FAM133B: variants seen among roughly 807,000 people sequenced by gnomAD.
FAM133B encodes the protein family with sequence similarity 133 member B.
FAM133B carries 25 observed loss-of-function variants against 46.4 expected under a neutral mutation model. The observed-to-expected ratio is 0.54, with a 90% CI of 0.39 to 0.75. FAM133B has a LOEUF of 0.75. Among genes scored for constraint, FAM133B ranks in the 30% least tolerant of loss-of-function variants. The probability of loss-of-function intolerance (pLI) is 0.00; values close to 1 mark genes in which losing one functional copy is unlikely to be tolerated. For synonymous variants in FAM133B, 75 were observed against 86.0 expected (o/e 0.87, Z 0.71); for missense variants, 205 against 277.6 (o/e 0.74, Z 1.86).
chr7:92,569,658 G>GA (rs1386907361), intron 9 of FAM133B, 165 bp downstream of exon 9: 1 of 380,312 alleles, frequency 2.6e-6, no homozygotes, highest in Non-Finnish European at 4.8e-6. Context: ...TTATCTTCTG[G>GA]AAAAAAGCAA....
chr7:92,567,400 G>A (rs1473546033), intron 9 of FAM133B, among the ~76,000 whole-genome samples: 1 of 152,038 alleles, frequency 6.6e-6, no homozygotes, highest in Non-Finnish European at 1.5e-5. Context: ...GTTGAATTGC[G>A]TGGTTTTGCT....
chr7:92,579,255 A>T, intron 3 of FAM133B, 62 bp downstream of exon 3: 1 of 1,410,988 alleles, frequency 7.1e-7, no homozygotes, highest in Non-Finnish European at 9.8e-7. Flanking sequence ...CTGGAATTAT[A>T]GGTATGAGCC....
intron 8 of FAM133B, among the ~76,000 whole-genome samples, chr7:92,571,609 T>C (rs1225989005): frequency 6.6e-6 from 1 of 152,184 alleles, no homozygotes; most frequent in East Asian, 1.9e-4. Flanking sequence ...CTGTCTGGGA[T>C]GTATTTGGCT....
chr7:92,590,004 G>GC, intron 1 of FAM133B: 1 of 565,240 alleles, frequency 1.8e-6, no homozygotes, highest in South Asian at 2.1e-5. Flanking sequence ...CGTACAGCAG[G>GC]CAAGAGTGCA....
chr7:92,578,094 C>CT (rs1794755032), intron 5 of FAM133B, 56 bp downstream of exon 5: 14 of 1,468,448 alleles, frequency 9.5e-6, no homozygotes, highest in African/African-American at 1.4e-5. Flanking sequence ...ATTATTCTTA[C>CT]TTTTTTTGTT....
chr7:92,570,772 C>A (rs1245722972), intron 8 of FAM133B, among the ~76,000 whole-genome samples: 1 of 152,086 alleles, frequency 6.6e-6, no homozygotes, highest in Non-Finnish European at 1.5e-5. Flanking sequence ...TCTCTATGGG[C>A]TAGATTATAG....
intron 1 of FAM133B, chr7:92,590,064 G>A (rs981175856): frequency 2.3e-5 from 15 of 645,702 alleles, no homozygotes; most frequent in Non-Finnish European, 3.4e-5. Context: ...AAAAAGGGGC[G>A]GGCAAGAGAG....
chr7:92,584,421 TTC>T (rs1198357817), intron 1 of FAM133B, among the ~76,000 whole-genome samples: 1 of 152,190 alleles, frequency 6.6e-6, no homozygotes, highest in South Asian at 2.1e-4. Context: ...ACTTCCAGAT[TTC>T]TCTGTCAGAG....
chr7:92,568,045 G>A (rs1046868830), intron 9 of FAM133B, among the ~76,000 whole-genome samples: 20 of 152,036 alleles, frequency 1.3e-4, no homozygotes, highest in African/African-American at 4.8e-4. Context: ...ATACAGGCGT[G>A]AACCACCACA....
At chr7:92,579,726 T>C (rs1309298417) in intron 2 of FAM133B, among the ~76,000 whole-genome samples, 1 of 152,204 alleles carries the variant, frequency 6.6e-6, no homozygotes, top group East Asian at 1.9e-4. Flanking sequence ...CCCCATTTTA[T>C]AGATAAAGAA....
chr7:92,589,677 G>GT (rs1795134199), intron 1 of FAM133B, among the ~76,000 whole-genome samples: 1 of 152,214 alleles, frequency 6.6e-6, no homozygotes, highest in Non-Finnish European at 1.5e-5. Context: ...TTCCCTCACA[G>GT]TGTCTATGGG....
chr7:92,567,793 T>C (rs964936329), intron 9 of FAM133B, among the ~76,000 whole-genome samples: 1 of 152,088 alleles, frequency 6.6e-6, no homozygotes, highest in Non-Finnish European at 1.5e-5. Context: ...TGACAAAGTC[T>C]CGCTCTGTTG....
intron 1 of FAM133B, chr7:92,585,373 A>T: frequency 9.1e-6 from 9 of 984,862 alleles, no homozygotes; most frequent in Non-Finnish European, 1.1e-5. Context: ...TTTCCTTGGT[A>T]TCATGTCATA....
intron 8 of FAM133B, among the ~76,000 whole-genome samples, chr7:92,570,270 C>A (rs1794486690): frequency 6.6e-6 from 1 of 151,940 alleles, no homozygotes; most frequent in Admixed American, 6.6e-5. Context: ...AGGCCTAGTA[C>A]TGCAGAAAAG....
chr7:92,566,581 G>C (rs558344656), intron 9 of FAM133B, among the ~76,000 whole-genome samples: 63 of 152,326 alleles, frequency 4.1e-4, no homozygotes, highest in African/African-American at 1.2e-3. Flanking sequence ...GGTTGAGGCT[G>C]CAGTGAGCCC....
chr7:92,575,119 G>T (rs934230627), intron 8 of FAM133B, among the ~76,000 whole-genome samples: 8 of 152,154 alleles, frequency 5.3e-5, no homozygotes, highest in African/African-American at 1.9e-4. Flanking sequence ...ATAGTAAGAA[G>T]ATTTTTCAAT....
rs1795141737 is a variant in FAM133B at position 92,589,849 on chromosome 7, G to A, written c.24+419C>T. On this transcript the variant is annotated intron_variant, in intron 1 of 10. Coordinates refer to ENST00000445716, the MANE Select transcript of FAM133B (RefSeq NM_152789.4). Reference sequence around the variant, plus strand: ...CCCTCCCACTTGGGTGCGCAGGAGAGGGGTGCGGACCTGGGGCGGCCGATA... The same window carrying A: ...CCCTCCCACTTGGGTGCGCAGGAGAAGGGTGCGGACCTGGGGCGGCCGATA... 3 of 177,516 alleles carry A rather than the reference G, an allele frequency of 1.7e-5. No individual in the cohort carries two copies. The South Asian group carries it at 4.5e-4, about 27-fold the overall frequency. 11.0% of individuals were successfully genotyped at this position (177,516 alleles called of 1,614,324 possible). A position where few individuals can be genotyped will look rare whatever the true frequency, so the allele number is the denominator to read the frequency against.
chr7:92,569,397 C>G (rs1794462177), intron 9 of FAM133B: 1 of 152,458 alleles, frequency 6.6e-6, no homozygotes, highest in African/African-American at 2.4e-5. Context: ...TTCTTCTCCA[C>G]TTCATCACCT....
At chr7:92,582,302 A>AC (rs1554390040) in intron 1 of FAM133B, among the ~76,000 whole-genome samples, 4,622 of 114,088 alleles carry the variant, frequency 0.041, 159 homozygotes, top group African/African-American at 0.1. Flanking sequence ...ACATAACATA[A>AC]ATAACATAAA....
Sources: gnomAD v4.1 joint callset for allele counts (sites outside exome capture counted in the v4.1 genomes callset) on GRCh38, gnomAD v4.1.1 for gene constraint, MANE v1.5 for transcripts, NCBI Gene and HGNC (gene_info 2026-07-23, HGNC 2026-07-21) for gene names.